SLC17A1: variants seen among roughly 807,000 people sequenced by gnomAD.
The protein encoded by SLC17A1 is solute carrier family 17 member 1.
Under a neutral mutation model 53.5 loss-of-function variants are expected in SLC17A1, and 51 were observed. That is an observed-to-expected ratio of 0.95 (90% CI 0.76 to 1.20). The LOEUF (loss-of-function observed/expected upper bound fraction) is 1.20, where lower values mean the gene tolerates loss of function less well. Among genes scored for constraint, SLC17A1 ranks in the 50% most tolerant of loss-of-function variants. The pLI is 0.00. For missense variants in SLC17A1, 538 were observed against 568.2 expected (o/e 0.95, Z 0.54); for synonymous variants, 179 against 198.8 (o/e 0.90, Z 0.84).
the SLC17A1 span, among the ~76,000 whole-genome samples, chr6:25,735,026 G>A: frequency 3.3e-5 from 5 of 152,306 alleles, no homozygotes; most frequent in East Asian, 3.9e-4. Flanking sequence ...CTGTGATCAA[G>A]TTTCAAAAAA....
At chr6:25,749,671 G>GT in the SLC17A1 span, among the ~76,000 whole-genome samples, 122 of 146,790 alleles carry the variant, frequency 8.3e-4, 1 homozygote, top group East Asian at 7.9e-4. Context: ...AGGGACTCAA[G>GT]TTTTTTTTTT....
chr6:25,752,056 C>T, the SLC17A1 span, among the ~76,000 whole-genome samples: 2 of 152,208 alleles, frequency 1.3e-5, no homozygotes, highest in Non-Finnish European at 2.9e-5. Context: ...AGAAACTCAT[C>T]TACTGCTTCT....
At chr6:25,818,345 C>A (rs1308529360) in intron 6 of SLC17A1, among the ~76,000 whole-genome samples, 1 of 152,146 alleles carries the variant, frequency 6.6e-6, no homozygotes, top group Non-Finnish European at 1.5e-5. Flanking sequence ...GCCTTTGGAC[C>A]TGGGGATGCT....
At chr6:25,773,549 A>G in the SLC17A1 span, 2 of 1,613,960 alleles carry the variant, frequency 1.2e-6, no homozygotes, top group Non-Finnish European at 1.7e-6. Flanking sequence ...CATTAGGGCT[A>G]TGATCAAATC....
chr6:25,735,225 T>G, the SLC17A1 span, among the ~76,000 whole-genome samples: 1 of 152,154 alleles, frequency 6.6e-6, no homozygotes, highest in East Asian at 1.9e-4. Flanking sequence ...ATAGTAAACA[T>G]TTGCTAAAGG....
At chr6:25,778,094 T>G (rs777996936), downstream of SLC17A1, 6 of 1,059,578 alleles carry the variant, frequency 5.7e-6, no homozygotes, top group Non-Finnish European at 8.5e-6. Context: ...CACGGCCTTG[T>G]ATCCTAGAAG....
chr6:25,731,701 T>G, the SLC17A1 span: 2 of 957,372 alleles, frequency 2.1e-6, no homozygotes, highest in Non-Finnish European at 3.0e-6. Context: ...AAAATAAACA[T>G]TCTACAGCCC....
chr6:25,817,272 G>T (rs1337759096), intron 6 of SLC17A1, among the ~76,000 whole-genome samples: 1 of 152,204 alleles, frequency 6.6e-6, no homozygotes, highest in Non-Finnish European at 1.5e-5. Flanking sequence ...TATCTATTCA[G>T]ATTTGTTCAA....
At chr6:25,754,272 C>G in the SLC17A1 span, among the ~76,000 whole-genome samples, 7,388 of 152,114 alleles carry the variant, frequency 0.049, 518 homozygotes, top group African/African-American at 0.15. Context: ...AACTCAATGG[C>G]CTTTGTGCAA....
At chr6:25,756,695 A>C in the SLC17A1 span, among the ~76,000 whole-genome samples, 2 of 152,190 alleles carry the variant, frequency 1.3e-5, no homozygotes, top group Non-Finnish European at 2.9e-5. Context: ...ATAATAAGTA[A>C]AAGGAGAGGG....
rs540400636 is a variant in SLC17A1, at chr6:25,783,062, C to T, written c.*159G>A. The T allele has an allele frequency of 6.6e-6, 1 of 152,248 alleles. No individual in the cohort carries two copies. Among genetic ancestry groups the T allele is most frequent in the South Asian group, 2.1e-4 (1 of 4,816 alleles). The allele number at this position is 152,248 out of a possible 1,614,324, so 9.4% of individuals were successfully genotyped here. On this transcript the variant is annotated 3_prime_UTR_variant, in exon 13 of 13. Transcript: ENST00000244527. Reference sequence around the variant, plus strand: ...ACAACACATGTTAAAAAACGATGCACACAGGATATGTGGGAGGGTAAAACT... The same window carrying T: ...ACAACACATGTTAAAAAACGATGCATACAGGATATGTGGGAGGGTAAAACT...
the SLC17A1 span, among the ~76,000 whole-genome samples, chr6:25,725,964 A>G: frequency 2.6e-5 from 4 of 152,236 alleles, no homozygotes; most frequent in Non-Finnish European, 5.9e-5. Context: ...GTCCCCGTAC[A>G]TTCCCGAAAT....
At chr6:25,821,979 G>A (rs1394490871) in intron 3 of SLC17A1, among the ~76,000 whole-genome samples, 1 of 152,104 alleles carries the variant, frequency 6.6e-6, no homozygotes, top group African/African-American at 2.4e-5. Flanking sequence ...ATAGGTCACA[G>A]AAATATACAA....
downstream of SLC17A1, chr6:25,780,043 C>T (rs1379968198): frequency 1.3e-5 from 2 of 152,194 alleles, no homozygotes; most frequent in African/African-American, 2.4e-5. Flanking sequence ...CAACATTCAC[C>T]TCATTAACCT....
chr6:25,767,586 TCCC>T, the SLC17A1 span, among the ~76,000 whole-genome samples: 2 of 152,036 alleles, frequency 1.3e-5, no homozygotes, highest in Non-Finnish European at 1.5e-5. Flanking sequence ...AACTTATGTA[TCCC>T]CATAAAAATA....
chr6:25,777,790 T>C, the SLC17A1 span: 1 of 666,376 alleles, frequency 1.5e-6, no homozygotes, highest in East Asian at 2.6e-5. Context: ...TCTCCAGAGG[T>C]AAGCACAGAG....
chr6:25,788,293 G>A (rs1286152144), intron 12 of SLC17A1, among the ~76,000 whole-genome samples: 1 of 152,060 alleles, frequency 6.6e-6, no homozygotes, highest in Admixed American at 6.5e-5. Context: ...AGCAAATAAA[G>A]ACAATTACAA....
chr6:25,770,050 C>G, the SLC17A1 span: 4 of 1,603,436 alleles, frequency 2.5e-6, no homozygotes, highest in South Asian at 4.4e-5. Context: ...CAAACAGTAA[C>G]TCTCTTTGTC....
chr6:25,777,596 ACAACAAC>A, the SLC17A1 span: 3 of 203,388 alleles, frequency 1.5e-5, no homozygotes, highest in African/African-American at 4.9e-5. Flanking sequence ...AACAACAACA[ACAACAAC>A]AACAAAAACC....
Sources: gnomAD v4.1 joint callset for allele counts (sites outside exome capture counted in the v4.1 genomes callset) on GRCh38, gnomAD v4.1.1 for gene constraint, MANE v1.5 for transcripts, NCBI Gene and HGNC (gene_info 2026-07-23, HGNC 2026-07-21) for gene names.